Variants in PIP5K1B observed in about 807,000 individuals in gnomAD.
PIP5K1B encodes phosphatidylinositol 4-phosphate 5-kinase type-1 beta.
Under a neutral mutation model 67.0 loss-of-function variants are expected in PIP5K1B, and 42 were observed. The ratio of observed to expected loss-of-function variants is 0.63; its 90% CI spans 0.49 to 0.81. The LOEUF is 0.81. Ranked by LOEUF, PIP5K1B falls within the 30% of genes least tolerant of loss-of-function variation. The pLI is 0.00. For synonymous variants in PIP5K1B, 214 were observed against 231.4 expected (o/e 0.92, Z 0.68); for missense variants, 459 against 646.3 (o/e 0.71, Z 3.14).
rs1829052574 is a variant in PIP5K1B, at chr9:68,966,721, T to C, written c.1503-24419T>C. 1.3e-5 allele frequency: 2 copies of C among 152,154 alleles called. 1 individual carries two copies. Among genetic ancestry groups the C allele is most frequent in the South Asian group, 4.1e-4 (2 of 4,832 alleles). 9.4% of individuals were successfully genotyped at this position (152,154 alleles called of 1,614,324 possible). ...AAGGAAAATGAACAAAATCTGGATA[T>C]AGTATGGAGGTTAGTTATAAACAAA... On this transcript the variant is annotated intron_variant, in intron 14 of 15. Coordinates refer to ENST00000265382, the MANE Select transcript of PIP5K1B (RefSeq NM_003558.4).
chr9:68,712,178 G>C (rs560550903), intron 1 of PIP5K1B, among the ~76,000 whole-genome samples: 4 of 152,264 alleles, frequency 2.6e-5, no homozygotes, highest in Admixed American at 1.3e-4. Context: ...ATGAGATCTG[G>C]TTGTTTCAAA....
intron 1 of PIP5K1B, among the ~76,000 whole-genome samples, chr9:68,734,645 T>A (rs1828636451): frequency 6.6e-6 from 1 of 152,206 alleles, no homozygotes; most frequent in Non-Finnish European, 1.5e-5. Flanking sequence ...GACATTTTGC[T>A]CAAATGGTCT....
At chr9:68,882,024 G>T (rs559855264) in intron 6 of PIP5K1B, among the ~76,000 whole-genome samples, 2 of 152,336 alleles carry the variant, frequency 1.3e-5, no homozygotes, top group South Asian at 4.1e-4. Context: ...TACACTGGCA[G>T]GGCCCAGCTG....
At chr9:68,988,755 T>C (rs886998246) in intron 14 of PIP5K1B, among the ~76,000 whole-genome samples, 7 of 151,708 alleles carry the variant, frequency 4.6e-5, no homozygotes, top group Non-Finnish European at 8.8e-5. Flanking sequence ...CCAGCCTCTT[T>C]ATGACTTTTG....
chr9:68,809,935 G>A (rs920739420), intron 2 of PIP5K1B, among the ~76,000 whole-genome samples: 2 of 152,090 alleles, frequency 1.3e-5, no homozygotes, highest in Admixed American at 6.5e-5. Flanking sequence ...TTATGGCCCC[G>A]GGCCTAGCTT....
intron 2 of PIP5K1B, among the ~76,000 whole-genome samples, chr9:68,743,984 G>T (rs1342260560): frequency 6.6e-6 from 1 of 152,192 alleles, no homozygotes. Context: ...CTTGTTTCAG[G>T]AGGATCAGGG....
chr9:68,769,556 T>A (rs996401467), intron 2 of PIP5K1B, among the ~76,000 whole-genome samples: 11 of 152,192 alleles, frequency 7.2e-5, no homozygotes, highest in African/African-American at 2.7e-4. Context: ...AAAAGAACAA[T>A]GTAATTCCCC....
At chr9:69,005,541 T>A (rs1831037373) in intron 15 of PIP5K1B, among the ~76,000 whole-genome samples, 1 of 151,892 alleles carries the variant, frequency 6.6e-6, no homozygotes, top group Admixed American at 6.6e-5. Context: ...CACACGCGGC[T>A]AATTTTGTAT....
intron 2 of PIP5K1B, among the ~76,000 whole-genome samples, chr9:68,799,615 G>A (rs531948595): frequency 1.2e-4 from 19 of 152,260 alleles, no homozygotes; most frequent in African/African-American, 4.1e-4. Context: ...GATCTTCAAC[G>A]GGAGTGCTAA....
At chr9:68,956,956 T>C (rs1450314606) in intron 14 of PIP5K1B, among the ~76,000 whole-genome samples, 1 of 152,122 alleles carries the variant, frequency 6.6e-6, no homozygotes, top group Non-Finnish European at 1.5e-5. Flanking sequence ...CCGCCCACTG[T>C]GATTGTCATG....
chr9:68,782,175 G>A (rs930002447), intron 2 of PIP5K1B: 1 of 167,022 alleles, frequency 6.0e-6, no homozygotes, highest in Non-Finnish European at 1.5e-5. Context: ...AGTGTAACTT[G>A]GGTTTCTGAC....
At chr9:68,779,962 C>T in intron 2 of PIP5K1B, 1 of 598,478 alleles carries the variant, frequency 1.7e-6, no homozygotes, top group East Asian at 3.3e-5. Flanking sequence ...CCTCCCCTAC[C>T]ACTGCCGCGC....
At chr9:68,880,992 G>A (rs1054917131) in intron 6 of PIP5K1B, among the ~76,000 whole-genome samples, 1 of 152,212 alleles carries the variant, frequency 6.6e-6, no homozygotes, top group Non-Finnish European at 1.5e-5. Context: ...GCATGCTTGA[G>A]TGTCAGGTAT....
At chr9:68,939,383 A>G (rs1319057572) in intron 13 of PIP5K1B, among the ~76,000 whole-genome samples, 1 of 152,148 alleles carries the variant, frequency 6.6e-6, no homozygotes, top group Non-Finnish European at 1.5e-5. Flanking sequence ...AGGAGTGGCA[A>G]TTCATTGGAA....
chr9:68,723,694 GGTT>G (rs1290616744), intron 1 of PIP5K1B, among the ~76,000 whole-genome samples: 1 of 36,726 alleles, frequency 2.7e-5, no homozygotes, highest in African/African-American at 1.2e-4. Context: ...TGAAGTATTT[GGTT>G]TTTTTTTTTT....
intron 2 of PIP5K1B, chr9:68,780,094 GGCC>G: frequency 1.5e-6 from 2 of 1,337,342 alleles, no homozygotes; most frequent in East Asian, 2.8e-5. Context: ...CAGCGGCGGC[GGCC>G]CTGGACTGCG....
At chr9:68,855,270 T>C (rs1223792942) in intron 4 of PIP5K1B, among the ~76,000 whole-genome samples, 1 of 152,198 alleles carries the variant, frequency 6.6e-6, no homozygotes, top group African/African-American at 2.4e-5. Flanking sequence ...CTCCAAAGCT[T>C]TTCCTCCTTC....
intron 2 of PIP5K1B, among the ~76,000 whole-genome samples, chr9:68,779,032 A>C (rs1408837257): frequency 6.6e-6 from 1 of 152,150 alleles, no homozygotes; most frequent in African/African-American, 2.4e-5. Context: ...CCACTATCTG[A>C]AAATAGCCTG....
At chr9:68,856,063 G>T (rs7851172) in intron 4 of PIP5K1B, among the ~76,000 whole-genome samples, 126,810 of 152,052 alleles carry the variant, frequency 0.83, 54,213 homozygotes, top group Non-Finnish European at 0.93. Flanking sequence ...TTCCTGCTAC[G>T]CTAAGTAGCA....
Sources: gnomAD v4.1 joint callset for allele counts (sites outside exome capture counted in the v4.1 genomes callset) on GRCh38, gnomAD v4.1.1 for gene constraint, MANE v1.5 for transcripts, NCBI Gene and HGNC (gene_info 2026-07-23, HGNC 2026-07-21) for gene names.